The following ORC3 variants were observed in gnomAD, a reference collection of about 807,000 sequenced individuals.
The protein encoded by ORC3 is homolog of latheo, Drosophila.
ORC3 carries 78 observed loss-of-function variants against 100.7 expected under a neutral mutation model. The observed-to-expected ratio is 0.77, with a 90% confidence interval of 0.65 to 0.94. The LOEUF is 0.94. Among genes scored for constraint, ORC3 ranks in the 40% least tolerant of loss-of-function variants. The probability of loss-of-function intolerance (pLI) is 0.00; values close to 1 mark genes in which losing one functional copy is unlikely to be tolerated. For synonymous variants in ORC3, 295 were observed against 289.3 expected (o/e 1.02, Z -0.20); for missense variants, 789 against 823.9 (o/e 0.96, Z 0.52).
At chr6:87,600,298 G>A (rs1461355242) in intron 2 of ORC3, among the ~76,000 whole-genome samples, 1 of 151,994 alleles carries the variant, frequency 6.6e-6, no homozygotes, top group Non-Finnish European at 1.5e-5. Context: ...ATGAGGGAAA[G>A]TAGAAAACTA....
rs570075358 is a variant in ORC3, at chr6:87,600,062, C to T, written c.80-1722C>T. On this transcript the variant is annotated intron_variant, in intron 2 of 19. Transcript: ENST00000392844. ...TAACCTTGTCTGCCACTTTACCGTA[C>T]GATGACTTCAATGTATTCCAAGGCT... is the stretch of plus-strand genomic sequence containing the variant. 1.1e-4 allele frequency among the ~76,000 whole-genome samples: 16 copies of T among 152,150 alleles called. No homozygotes were observed. In the South Asian group the frequency reaches 1.5e-3, roughly 14 times the overall value.
At chr6:87,677,384 A>C in the ORC3 span, among the ~76,000 whole-genome samples, 4 of 152,234 alleles carry the variant, frequency 2.6e-5, no homozygotes, top group Non-Finnish European at 5.9e-5. Flanking sequence ...ATACATAATA[A>C]ATTTTATTTA....
At chr6:87,636,518 T>C in intron 13 of ORC3, 32 bp downstream of exon 13, 1 of 1,451,344 alleles carries the variant, frequency 6.9e-7, no homozygotes, top group Non-Finnish European at 9.7e-7. Context: ...TTTCTATTTT[T>C]GTCTGCTATA....
chr6:87,664,424 C>A (rs1770440989), intron 17 of ORC3, among the ~76,000 whole-genome samples: 1 of 152,022 alleles, frequency 6.6e-6, no homozygotes, highest in Non-Finnish European at 1.5e-5. Flanking sequence ...ATTAAGTATT[C>A]CTAAAGATTT....
At position 87,590,148 on chromosome 6, in the gene ORC3, A is replaced by G; in HGVS notation, c.-21A>G. 1 of 1,614,106 alleles carries G rather than the reference A, an allele frequency of 6.2e-7. No homozygotes were observed. Among genetic ancestry groups the G allele is most frequent in the Non-Finnish European group, 8.5e-7 (1 of 1,179,898 alleles). ...GCGGGAAATCCCGAGTGCATCTGGA[A>G]TACGCAGAGTCAGTAAGACCATGGC... On this transcript the variant is annotated 5_prime_UTR_variant, in exon 1 of 20. Coordinates refer to ENST00000392844, the MANE Select transcript of ORC3 (RefSeq NM_012381.4).
At chr6:87,669,737 A>AT (rs1377334741), downstream of ORC3, among the ~76,000 whole-genome samples, 1 of 152,176 alleles carries the variant, frequency 6.6e-6, no homozygotes, top group Non-Finnish European at 1.5e-5. Context: ...CATGTGTTTC[A>AT]TTTTTTAAAC....
At chr6:87,621,618 C>T (rs960464507) in intron 10 of ORC3, 131 bp downstream of exon 10, 2 of 576,546 alleles carry the variant, frequency 3.5e-6, no homozygotes, top group African/African-American at 1.3e-4. Flanking sequence ...GTGGGATTTC[C>T]CTTGTTGGAT....
intron 13 of ORC3, among the ~76,000 whole-genome samples, chr6:87,646,571 A>G (rs1768806972): frequency 6.6e-6 from 1 of 152,204 alleles, no homozygotes; most frequent in Non-Finnish European, 1.5e-5. Context: ...GATCACAACT[A>G]GTTTGATCAA....
chr6:87,644,239 C>T (rs1488466065), intron 13 of ORC3, among the ~76,000 whole-genome samples: 3 of 149,074 alleles, frequency 2.0e-5, no homozygotes, highest in Non-Finnish European at 4.5e-5. Flanking sequence ...ACTACAGGCG[C>T]CCGCCACTAC....
chr6:87,618,463 T>C (rs1040334434), intron 9 of ORC3, among the ~76,000 whole-genome samples: 2 of 151,276 alleles, frequency 1.3e-5, no homozygotes, highest in African/African-American at 4.9e-5. Context: ...ATTTGTTTAA[T>C]GATGGAGGCA....
chr6:87,601,694 C>T (rs1327538148), intron 2 of ORC3, 90 bp from the exon 3 acceptor site: 2 of 740,420 alleles, frequency 2.7e-6, no homozygotes, highest in Non-Finnish European at 4.5e-6. Context: ...AATTTCACTT[C>T]TGTCACTTAC....
chr6:87,604,365 T>G (rs1014733923), intron 4 of ORC3, among the ~76,000 whole-genome samples: 1 of 152,196 alleles, frequency 6.6e-6, no homozygotes, highest in South Asian at 2.1e-4. Flanking sequence ...AAATTTTACA[T>G]TTCTAACAGG....
At chr6:87,670,738 A>G (rs533338104), downstream of ORC3, among the ~76,000 whole-genome samples, 12 of 152,340 alleles carry the variant, frequency 7.9e-5, no homozygotes, top group African/African-American at 2.9e-4. Flanking sequence ...AGTACCAAGC[A>G]TGTGCCATGT....
In ORC3 at chr6:87,603,472, G is replaced by A; in HGVS notation, c.266G>A (p.Arg89Lys). 6.5e-7 allele frequency: 1 copy of A among 1,538,886 alleles called. No homozygotes were observed. The highest frequency in any genetic ancestry group is 8.9e-7 in the Non-Finnish European group (1 of 1,127,466). Reference sequence around the variant, plus strand: ...CATTCTGGATTCCAGAAGAATTCAAGAGACTTGGGCGGTCAAATAAAACTC... The same window carrying A: ...CATTCTGGATTCCAGAAGAATTCAAAAGACTTGGGCGGTCAAATAAAACTC... ...KSHSGFQKNS[R>K]DLGGQIKLRE... The change falls in exon 4 of 20, where the codon AGA becomes AAA. Residue 89 changes from arginine (R) to lysine (K), a missense_variant. Arg to Lys is a conservative substitution (Grantham distance 26). Coordinates refer to ENST00000392844, the MANE Select transcript of ORC3 (RefSeq NM_012381.4).
At chr6:87,614,444 C>T (rs1779010060) in intron 8 of ORC3, among the ~76,000 whole-genome samples, 1 of 152,208 alleles carries the variant, frequency 6.6e-6, no homozygotes, top group Middle Eastern at 3.2e-3. Flanking sequence ...TGGGGATTAA[C>T]GTTTGGCTCT....
chr6:87,663,308 T>A (rs1348616290), intron 17 of ORC3, among the ~76,000 whole-genome samples, 164 bp downstream of exon 17: 1 of 152,158 alleles, frequency 6.6e-6, no homozygotes, highest in Non-Finnish European at 1.5e-5. Flanking sequence ...TAGAAAAAAA[T>A]TTCTAACCCC....
intron 2 of ORC3, among the ~76,000 whole-genome samples, chr6:87,597,302 A>G (rs1376278305): frequency 6.6e-6 from 1 of 152,174 alleles, no homozygotes; most frequent in Non-Finnish European, 1.5e-5. Context: ...GAGGTGAGAT[A>G]TGGAATTTTC....
chr6:87,621,395 C>A lies in ORC3; in HGVS notation c.1029C>A (p.Val343=). Residue 343 remains valine, a synonymous_variant, in exon 10 of 20, where the codon GTC becomes GTA. Coordinates refer to ENST00000392844, the MANE Select transcript of ORC3 (RefSeq NM_012381.4). ...ATTTCTATTCCCAGCCCTTAAGTGT[C>A]CTGTGCTGTAATCTTCCAGAAGCCA... The part of the protein sequence containing the change: ...LEHFYSQPLS[V]LCCNLPEAKR... The A allele has an allele frequency of 6.3e-7, 1 of 1,595,624 alleles. No homozygotes were observed. The highest frequency in any genetic ancestry group is 1.4e-5 in the African/African-American group (1 of 73,720).
At chr6:87,612,066 T>C in intron 7 of ORC3, 23 bp from the exon 8 acceptor site, 1 of 1,601,352 alleles carries the variant, frequency 6.2e-7, no homozygotes, top group South Asian at 1.1e-5. Flanking sequence ...AATTTCACTT[T>C]TGTGTCTGTC....
Sources: gnomAD v4.1 joint callset for allele counts (sites outside exome capture counted in the v4.1 genomes callset) on GRCh38, gnomAD v4.1.1 for gene constraint, MANE v1.5 for transcripts, NCBI Gene and HGNC (gene_info 2026-07-23, HGNC 2026-07-21) for gene names.